TCIRG1: variants seen among roughly 807,000 people sequenced by gnomAD.
TCIRG1 encodes the protein T cell immune regulator 1, ATPase H+ transporting V0 subunit a3.
Under a neutral mutation model 95.5 loss-of-function variants are expected in TCIRG1, and 86 were observed. The observed-to-expected ratio is 0.90, with a 90% CI of 0.76 to 1.08. The LOEUF (loss-of-function observed/expected upper bound fraction) is 1.08, where lower values mean the gene tolerates loss of function less well. TCIRG1 is among the 50% of genes least tolerant of loss of function. TCIRG1 has a pLI of 0.00. For synonymous variants in TCIRG1, 499 were observed against 501.3 expected (o/e 1.00, Z 0.06); for missense variants, 1,069 against 1,140.2 (o/e 0.94, Z 0.90).
intron 9 of TCIRG1, 111 bp downstream of exon 9, chr11:68,044,455 C>A: frequency 3.5e-6 from 3 of 857,266 alleles, no homozygotes; most frequent in Non-Finnish European, 5.6e-6. Context: ...TGCCTAGGGG[C>A]TCCTTCTCCT....
rs2134438092 is a variant in TCIRG1, at chr11:68,043,434, C to T, written c.567C>T (p.Ala189=). 5 of 1,547,044 alleles carry T rather than the reference C, an allele frequency of 3.2e-6. No individual in the cohort carries two copies. The South Asian group carries it at 6.0e-5, about 18-fold the overall frequency. ...CCCTAGAGCGCCTGCTCTGGAGGGC[C>T]TGCCGCGGCTTCCTCATTGCCAGCT... ...APALERLLWR[A]CRGFLIASFR... is the part of the protein sequence containing the mutation. The change falls in exon 6 of 20, where the codon GCC becomes GCT. Residue 189 remains alanine (A), a synonymous_variant. Transcript: ENST00000265686.
chr11:68,045,817 C>T (rs1855453278), intron 10 of TCIRG1, among the ~76,000 whole-genome samples: 1 of 152,172 alleles, frequency 6.6e-6, no homozygotes, highest in African/African-American at 2.4e-5. Context: ...CCGTTGGGGG[C>T]CCAAGCACCC....
chr11:68,043,829 C>G lies in TCIRG1; in HGVS notation c.729C>G (p.Val243=), dbSNP rs1271917958. Reference sequence around the variant, plus strand: ...CTCCCTCCAGCTTCCACTGCCACGTCTTCCCGTTTCTGCAGCAGGAGGAGG... The same window carrying G: ...CTCCCTCCAGCTTCCACTGCCACGTGTTCCCGTTTCTGCAGCAGGAGGAGG... ...RKITDCFHCH[V]FPFLQQEEAR... The change falls in exon 8 of 20, where the codon GTC becomes GTG. Residue 243 remains valine (V), a synonymous_variant. Transcript: ENST00000265686. 6.4e-7 allele frequency: 1 copy of G among 1,563,200 alleles called. No homozygotes were observed. The highest frequency in any genetic ancestry group is 2.4e-5 in the East Asian group (1 of 42,064).
chr11:68,040,384 C>A (rs965786090), intron 1 of TCIRG1, among the ~76,000 whole-genome samples: 2 of 152,240 alleles, frequency 1.3e-5, no homozygotes, highest in Non-Finnish European at 2.9e-5. Flanking sequence ...AGTGTTCCCT[C>A]GTTCCCTCCT....
At position 68,047,584 on chromosome 11, in the gene TCIRG1, G is replaced by A. The variant is rs201777758; in HGVS notation, c.1305+12G>A. ...CCGCGCAGAACGAGGTGAGGGGCGG[G>A]GCTGGGGTCCTGATGAGGGTAGCAG... On this transcript the variant is annotated intron_variant, in intron 11 of 19. Coordinates refer to ENST00000265686, the MANE Select transcript of TCIRG1 (RefSeq NM_006019.4). 4.3e-6 allele frequency: 7 copies of A among 1,613,462 alleles called. No individual in the cohort carries two copies. The highest frequency in any genetic ancestry group is 5.9e-6 in the Non-Finnish European group (7 of 1,180,004).
At chr11:68,044,728 T>A in intron 9 of TCIRG1, 1 of 620,128 alleles carries the variant, frequency 1.6e-6, no homozygotes, top group Admixed American at 2.8e-5. Flanking sequence ...TCCTGGGCCG[T>A]CCCTAGGAGG....
At chr11:68,046,554 C>T (rs1027641844) in intron 10 of TCIRG1, among the ~76,000 whole-genome samples, 1 of 152,148 alleles carries the variant, frequency 6.6e-6, no homozygotes, top group East Asian at 1.9e-4. Flanking sequence ...CTTATCTTAA[C>T]CCAGTGACCT....
intron 13 of TCIRG1, 90 bp from the exon 14 acceptor site, chr11:68,048,789 G>C: frequency 1.0e-6 from 1 of 975,816 alleles, no homozygotes; most frequent in South Asian, 1.3e-5. Context: ...GGGGAAAACA[G>C]GGTGGTGAGA....
At chr11:68,044,401 G>A (rs1000613230) in intron 9 of TCIRG1, 57 bp downstream of exon 9, 33 of 1,418,398 alleles carry the variant, frequency 2.3e-5, no homozygotes, top group Admixed American at 3.9e-5. Flanking sequence ...AGGCCGGGGC[G>A]TTTCTGCCTC....
chr11:68,044,320 GCAGGAGGCCCTGC>G lies in TCIRG1; in HGVS notation c.997_1009del (p.Gln333GlyfsTer9). 6.3e-7 allele frequency: 1 copy of G among 1,596,426 alleles called. No homozygotes were observed. Among genetic ancestry groups the G allele is most frequent in the African/African-American group, 1.3e-5 (1 of 74,854 alleles). On this transcript the variant is annotated frameshift_variant, in exon 9 of 20. Coordinates refer to ENST00000265686, the MANE Select transcript of TCIRG1 (RefSeq NM_006019.4). LOFTEE classifies it high-confidence loss of function. Reference sequence around the variant, plus strand: ...GCTCTGTGCGAGACCTGCCCGCCCTGCAGGAGGCCCTGCGGGACAGCTCGGTGAGCAGCCTGAG... The same window carrying G: ...GCTCTGTGCGAGACCTGCCCGCCCTGGGGACAGCTCGGTGAGCAGCCTGAG...
At chr11:68,045,247 G>A in intron 10 of TCIRG1, 145 bp downstream of exon 10, 3 of 1,048,610 alleles carry the variant, frequency 2.9e-6, no homozygotes, top group Middle Eastern at 2.9e-4. Flanking sequence ...CTCTCAAGGG[G>A]CTGTTGGGCT....
chr11:68,043,734 C>T, intron 7 of TCIRG1, 80 bp from the exon 8 acceptor site: 2 of 1,537,174 alleles, frequency 1.3e-6, no homozygotes, highest in African/African-American at 1.4e-5. Flanking sequence ...TATCGTGACT[C>T]CTCCCCATGA....
chr11:68,045,251 T>C, intron 10 of TCIRG1, 149 bp downstream of exon 10: 1 of 1,022,654 alleles, frequency 9.8e-7, no homozygotes, highest in Non-Finnish European at 1.5e-6. Flanking sequence ...CAAGGGGCTG[T>C]TGGGCTCTGC....
At chr11:68,048,024 G>A in intron 13 of TCIRG1, 52 bp downstream of exon 13, 3 of 1,508,228 alleles carry the variant, frequency 2.0e-6, no homozygotes, top group Non-Finnish European at 2.8e-6. Context: ...TGGGAGTGGG[G>A]GCTGGGGCTC....
chr11:68,042,665 G>A lies in TCIRG1; in HGVS notation c.219G>A (p.Arg73=). 1.3e-6 allele frequency: 2 copies of A among 1,547,224 alleles called. No individual in the cohort carries two copies. The highest frequency in any genetic ancestry group is 1.4e-5 in the African/African-American group (1 of 73,058). Residue 73 remains arginine, a synonymous_variant, in exon 4 of 20, where the codon CGG becomes CGA. Coordinates refer to ENST00000265686, the MANE Select transcript of TCIRG1 (RefSeq NM_006019.4). Reference sequence around the variant, plus strand: ...CAGCCTTCCTGCAGGAGGAGGTGCGGCGGGCTGGGCTGGTCCTGCCCCCGC... The same window carrying A: ...CAGCCTTCCTGCAGGAGGAGGTGCGACGGGCTGGGCTGGTCCTGCCCCCGC... The part of the protein sequence containing the change: ...KTFTFLQEEV[R]RAGLVLPPPK...
At chr11:68,044,059 A>G in intron 8 of TCIRG1, 73 bp from the exon 9 acceptor site, 1 of 1,412,452 alleles carries the variant, frequency 7.1e-7, no homozygotes. Context: ...AGGTGGGTGC[A>G]GGAGGTGGGT....
downstream of TCIRG1, chr11:68,052,246 G>T: frequency 6.6e-6 from 1 of 152,532 alleles, no homozygotes; most frequent in Non-Finnish European, 1.5e-5. Flanking sequence ...GGGTGGTTTA[G>T]GGAATGGCAG....
intron 10 of TCIRG1, among the ~76,000 whole-genome samples, chr11:68,046,308 G>A (rs1027548789): frequency 5.9e-5 from 9 of 152,074 alleles, no homozygotes; most frequent in Admixed American, 3.9e-4. Flanking sequence ...CCAGGAGTTC[G>A]AGACCAGCCT....
chr11:68,041,093 T>G (rs1408793533), intron 1 of TCIRG1, among the ~76,000 whole-genome samples, 175 bp from the exon 2 acceptor site: 1 of 152,152 alleles, frequency 6.6e-6, no homozygotes, highest in African/African-American at 2.4e-5. Flanking sequence ...ACTGCTTACT[T>G]TCTGCGTGAC....
Sources: allele counts gnomAD v4.1 joint callset (sites outside exome capture counted in the v4.1 genomes callset), GRCh38; gene constraint gnomAD v4.1.1; transcripts MANE v1.5; gene names NCBI Gene and HGNC (gene_info 2026-07-23, HGNC 2026-07-21).